The following CACNG4 variants were observed in gnomAD, a reference collection of about 807,000 sequenced individuals.
The protein encoded by CACNG4 is voltage-dependent calcium channel gamma-4 subunit.
CACNG4 carries 8 observed loss-of-function variants against 22.9 expected under a neutral mutation model. The ratio of observed to expected loss-of-function variants is 0.35; its 90% CI spans 0.21 to 0.63. CACNG4 has a LOEUF of 0.63. Ranked by LOEUF, CACNG4 falls within the 30% of genes least tolerant of loss-of-function variation. The pLI, the probability that CACNG4 is intolerant of heterozygous loss-of-function variation, is 0.72. For synonymous variants in CACNG4, 188 were observed against 191.9 expected (o/e 0.98, Z 0.17); for missense variants, 357 against 455.4 (o/e 0.78, Z 1.97).
intron 1 of CACNG4, among the ~76,000 whole-genome samples, chr17:66,978,569 G>A (rs1412682283): frequency 6.6e-6 from 1 of 152,132 alleles, no homozygotes. Context: ...CCTTCCAGGG[G>A]CCGGACAGTC....
rs202135500 is a variant in CACNG4 at position 67,030,745 on chromosome 17, G to A, written c.725G>A (p.Arg242His). ...CCGAGCTACAGGTACCGGCGACGGC[G>A]CTCGAGGTCCAGCTCAAGGTCCACC... ...RMPSYRYRRR[R>H]SRSSSRSTEA... is the part of the protein sequence containing the mutation. The change falls in exon 4 of 4, where the codon CGC becomes CAC. Residue 242 changes from arginine (R) to histidine (H), a missense_variant. This residue lies in a region of CACNG4 where 240 missense variants were observed against 277.6 expected (regional missense o/e 0.86). Coordinates refer to ENST00000262138, the MANE Select transcript of CACNG4 (RefSeq NM_014405.4). The surrounding 1 kb of genome is among the most constrained non-coding windows in gnomAD (Gnocchi z 6.4). 15 of 1,614,192 alleles carry A rather than the reference G, an allele frequency of 9.3e-6. No individual in the cohort carries two copies. The highest frequency in any genetic ancestry group is 4.5e-5 in the East Asian group (2 of 44,872).
chr17:67,028,564 AC>A (rs1274752382), intron 3 of CACNG4, among the ~76,000 whole-genome samples: 3 of 152,026 alleles, frequency 2.0e-5, no homozygotes, highest in Non-Finnish European at 4.4e-5. Flanking sequence ...AAAAAGAAAA[AC>A]AAAAACAGAA....
intron 1 of CACNG4, among the ~76,000 whole-genome samples, chr17:66,999,375 G>C (rs2035394064): frequency 6.6e-6 from 1 of 152,144 alleles, no homozygotes; most frequent in Admixed American, 6.5e-5. Context: ...CCTGTGTTCT[G>C]TATCCATCTC....
chr17:66,978,742 C>T (rs1212660730), intron 1 of CACNG4, among the ~76,000 whole-genome samples: 3 of 152,222 alleles, frequency 2.0e-5, no homozygotes, highest in South Asian at 2.1e-4. Context: ...TCTGAGCCTT[C>T]GCCCGAGACA....
At chr17:66,978,321 T>C (rs1462153736) in intron 1 of CACNG4, among the ~76,000 whole-genome samples, 3 of 152,104 alleles carry the variant, frequency 2.0e-5, no homozygotes, top group African/African-American at 7.3e-5. Context: ...GGAGCTGGCA[T>C]AACATGTGTT....
chr17:67,024,715 C>T, intron 2 of CACNG4, 145 bp from the exon 3 acceptor site: 1 of 924,638 alleles, frequency 1.1e-6, no homozygotes, highest in Non-Finnish European at 1.5e-6. Context: ...ACTGGCCCAC[C>T]TCGAGTCTCC....
intron 1 of CACNG4, among the ~76,000 whole-genome samples, chr17:67,016,101 C>T (rs1179145720): frequency 6.6e-6 from 1 of 152,174 alleles, no homozygotes; most frequent in Non-Finnish European, 1.5e-5. Flanking sequence ...CTAGATCCAA[C>T]AGCAGCAACC....
chr17:67,014,136 G>A (rs1348231928), intron 1 of CACNG4, among the ~76,000 whole-genome samples: 1 of 152,134 alleles, frequency 6.6e-6, no homozygotes, highest in Non-Finnish European at 1.5e-5. Context: ...TCTCCACCTC[G>A]CGACCTCAGC....
intron 1 of CACNG4, among the ~76,000 whole-genome samples, chr17:66,999,779 T>C (rs1409194272): frequency 6.6e-6 from 1 of 152,142 alleles, no homozygotes; most frequent in Non-Finnish European, 1.5e-5. Flanking sequence ...CGAGATGAGA[T>C]TTGGGTGGGG....
intron 1 of CACNG4, among the ~76,000 whole-genome samples, chr17:66,977,132 T>C (rs2035242778): frequency 6.6e-6 from 1 of 152,184 alleles, no homozygotes; most frequent in Admixed American, 6.5e-5. Flanking sequence ...ATCTCTCGCC[T>C]GGATGCCCGC....
rs1270245954 is a variant in CACNG4 at position 67,031,597 on chromosome 17, TG to T, written c.*595del. The T allele has an allele frequency of 2.2e-6, 1 of 456,746 alleles. No individual in the cohort carries two copies. The highest frequency in any genetic ancestry group is 2.0e-5 in the African/African-American group (1 of 50,088). 28.3% of individuals were successfully genotyped at this position (456,746 alleles called of 1,614,324 possible). ...TCCTGAAGACAGCTCTGCAGCCAAC[TG>T]GTGCTTTGGCCTTTGCGCTGTCCCG... On this transcript the variant is annotated 3_prime_UTR_variant, in exon 4 of 4. Transcript: ENST00000262138. The surrounding 1 kb of genome is among the most constrained non-coding windows in gnomAD (Gnocchi z 4.0).
chr17:67,004,716 T>C (rs2035427538), intron 1 of CACNG4, among the ~76,000 whole-genome samples: 1 of 152,120 alleles, frequency 6.6e-6, no homozygotes, highest in South Asian at 2.1e-4. Context: ...TCTGACTTGA[T>C]CCACAAAGAG....
intron 2 of CACNG4, chr17:67,020,067 G>A (rs1009987347): frequency 2.6e-5 from 4 of 152,456 alleles, no homozygotes; most frequent in African/African-American, 9.6e-5. Context: ...GATAGGTGAG[G>A]GGGGCAGGCA....
chr17:67,032,268 A>C lies in CACNG4; in HGVS notation c.*1264A>C, dbSNP rs1162595368. ...GGTTTCTGTGTTTTACAGTTTTTCC[A>C]GCCATTCTTTTCTTCCCCCTCCTGA... On this transcript the variant is annotated 3_prime_UTR_variant, in exon 4 of 4. Transcript: ENST00000262138. 4 of 327,198 alleles carry C rather than the reference A, an allele frequency of 1.2e-5. No homozygotes were observed. The highest frequency in any genetic ancestry group is 2.4e-5 in the Non-Finnish European group (4 of 168,256). The allele number at this position is 327,198 out of a possible 1,614,324, so 20.3% of individuals were successfully genotyped here. A position where few individuals can be genotyped will look rare whatever the true frequency, so the allele number is the denominator to read the frequency against.
At position 67,031,739 on chromosome 17, in the gene CACNG4, T is replaced by C. The variant is rs986594571; in HGVS notation, c.*735T>C. ...CTGGAAGTTTCTGCCTCACTCAGAA[T>C]GGGCAGGACAGACCCACTGACTGGA... On this transcript the variant is annotated 3_prime_UTR_variant, in exon 4 of 4. Coordinates refer to ENST00000262138, the MANE Select transcript of CACNG4 (RefSeq NM_014405.4). This position sits in a 1 kb window ranked among gnomAD's most constrained non-coding sequence, Gnocchi z 4.0. 3.9e-5 allele frequency: 18 copies of C among 456,630 alleles called. No homozygotes were observed. Among genetic ancestry groups the C allele is most frequent in the Non-Finnish European group, 6.6e-5 (15 of 226,992 alleles). The allele number at this position is 456,630 out of a possible 1,614,324, so 28.3% of individuals were successfully genotyped here.
chr17:66,994,313 C>T (rs1446524216), intron 1 of CACNG4, among the ~76,000 whole-genome samples: 2 of 142,282 alleles, frequency 1.4e-5, no homozygotes, highest in African/African-American at 5.2e-5. Flanking sequence ...GGTGACAGAG[C>T]GAGACCCTAT....
At chr17:67,001,796 G>A (rs1377140200) in intron 1 of CACNG4, among the ~76,000 whole-genome samples, 1 of 152,240 alleles carries the variant, frequency 6.6e-6, no homozygotes. Context: ...GGAATGGAAG[G>A]TACATGGTCC....
In CACNG4 at chr17:67,031,200, T is replaced by C. The variant is rs576147233; in HGVS notation, c.*196T>C. ...CCGGACCCGGGGCTGCAGAAGAAGC[T>C]GAAGGCTGACTTTGTCCCCTCCCCG... is the stretch of plus-strand genomic sequence containing the variant. On this transcript the variant is annotated 3_prime_UTR_variant, in exon 4 of 4. Coordinates refer to ENST00000262138, the MANE Select transcript of CACNG4 (RefSeq NM_014405.4). This position sits in a 1 kb window ranked among gnomAD's most constrained non-coding sequence, Gnocchi z 4.0. 70 of 652,316 alleles carry C rather than the reference T, an allele frequency of 1.1e-4. No homozygotes were observed. In the East Asian group the frequency reaches 1.9e-3, roughly 18 times the overall value. The allele number at this position is 652,316 out of a possible 1,614,324, so 40.4% of individuals were successfully genotyped here.
chr17:67,028,567 A>G (rs1567760820), intron 3 of CACNG4, among the ~76,000 whole-genome samples: 1 of 152,128 alleles, frequency 6.6e-6, no homozygotes, highest in African/African-American at 2.4e-5. Flanking sequence ...AAGAAAAACA[A>G]AAACAGAAAA....
Sources: gnomAD v4.1 joint callset for allele counts (sites outside exome capture counted in the v4.1 genomes callset) on GRCh38, gnomAD v4.1.1 for gene constraint, gnomAD v4.1.1 regional missense constraint, Gnocchi (gnomAD v3.1) non-coding constraint, MANE v1.5 for transcripts, NCBI Gene and HGNC (gene_info 2026-07-23, HGNC 2026-07-21) for gene names.